Variants in SLC40A1 observed in about 807,000 individuals in gnomAD.
The protein encoded by SLC40A1 is solute carrier family 40 member 1, also known as ferroportin.
A neutral mutation model predicts 53.5 loss-of-function variants in SLC40A1; 16 were observed. That is an observed-to-expected ratio of 0.30 (90% CI 0.20 to 0.45). The LOEUF (loss-of-function observed/expected upper bound fraction) is 0.45. Ranked by LOEUF, SLC40A1 falls within the 20% of genes least tolerant of loss-of-function variation. The probability of loss-of-function intolerance (pLI) is 1.00; values close to 1 mark genes in which losing one functional copy is unlikely to be tolerated. For synonymous variants in SLC40A1, 247 were observed against 253.2 expected (o/e 0.98, Z 0.23); for missense variants, 545 against 695.4 (o/e 0.78, Z 2.43).
At chr2:189,574,014 A>G (rs1357919039) in intron 3 of SLC40A1, among the ~76,000 whole-genome samples, 1 of 152,198 alleles carries the variant, frequency 6.6e-6, no homozygotes, top group East Asian at 1.9e-4. Flanking sequence ...TCTGTGTAAG[A>G]GCAGAGGTGG....
At position 189,580,490 on chromosome 2, in the gene SLC40A1, C is replaced by A. The variant is rs766251419; in HGVS notation, c.-30G>T. The A allele has an allele frequency of 6.2e-7, 1 of 1,612,584 alleles. No homozygotes were observed. Among genetic ancestry groups the A allele is most frequent in the Non-Finnish European group, 8.5e-7 (1 of 1,179,990 alleles). ...CTAGGCGACCCCGCTGGCTCTTCTG[C>A]GGCTGCTATCGCTGCTGCTGCTCTC... On this transcript the variant is annotated 5_prime_UTR_variant, in exon 1 of 8. Transcript: ENST00000261024.
rs773694230 is a variant in SLC40A1, at chr2:189,580,432, T to C, written c.29A>G (p.Gln10Arg). The change falls in exon 1 of 8, where the codon CAG (glutamine) becomes CGG (arginine). Residue 10 changes from glutamine (Q) to arginine (R), a missense_variant. Gln to Arg is a conservative substitution (Grantham distance 43). Transcript: ENST00000261024. ...ACGACACTCACCACAGCATCCTCTC[T>C]GGCGGTTGTGATCTCCCGCCCTGGT... MTRAGDHNR[Q>R]RGCCGSLADY... 4.3e-6 allele frequency: 7 copies of C among 1,613,938 alleles called. No homozygotes were observed. The highest frequency in any genetic ancestry group is 5.1e-6 in the Non-Finnish European group (6 of 1,180,016).
Position 189,563,757 on chromosome 2 carries a change from G to T in SLC40A1, c.1229C>A (p.Ser410Ter), listed in dbSNP as rs1419641753. Residue 410 changes from serine (S) to a stop codon, truncating the protein, a stop_gained, in exon 7 of 8, where the codon TCA (serine) becomes TAA (stop). Transcript: ENST00000261024. LOFTEE classifies it high-confidence loss of function. ...LSVSPFEDIR[S>*]RFIQGESITP... The stretch of plus-strand genomic sequence containing the variant: ...AATTGACTCTCCTTGAATGAACCTT[G>T]ATCGGATATCTTCAAAAGGAGAAAC... 1.2e-6 allele frequency: 2 copies of T among 1,614,014 alleles called. No homozygotes were observed. Among genetic ancestry groups the T allele is most frequent in the Non-Finnish European group, 1.7e-6 (2 of 1,180,022 alleles).
intron 5 of SLC40A1, among the ~76,000 whole-genome samples, chr2:189,566,205 A>T (rs1176509142): frequency 6.6e-6 from 1 of 152,212 alleles, no homozygotes; most frequent in Non-Finnish European, 1.5e-5. Context: ...CACAGCAACG[A>T]GAAGCACTGA....
rs387907374 is a variant in SLC40A1 at position 189,575,170 on chromosome 2, T to C, written c.262A>G (p.Arg88Gly). ...ATATAACAACACTCACCTTTAAGTC[T>C]AGCATTCTTGTCCACCCAGTCACCG... ...IIGDWVDKNA[R>G]LKVAQTSLVV... Residue 88 changes from arginine to glycine, a missense_variant, in exon 3 of 8, where the codon AGA (arginine) becomes GGA (glycine). By Grantham distance (125) the Arg-to-Gly change is moderately radical. Around this residue, in one of 4 missense-constraint regions of SLC40A1, gnomAD observed 197 missense variants for 278.8 expected, o/e 0.71. Transcript: ENST00000261024. 6.2e-7 allele frequency: 1 copy of C among 1,614,054 alleles called. No homozygotes were observed. Among genetic ancestry groups the C allele is most frequent in the Non-Finnish European group, 8.5e-7 (1 of 1,179,932 alleles).
Position 189,561,675 on chromosome 2 carries a change from A to T in SLC40A1, c.*203T>A, listed in dbSNP as rs1400151802. 8.8e-6 allele frequency: 5 copies of T among 566,678 alleles called. No homozygotes were observed. Among genetic ancestry groups the T allele is most frequent in the African/African-American group, 3.8e-5 (2 of 53,034 alleles). The allele number at this position is 566,678 out of a possible 1,614,324, so 35.1% of individuals were successfully genotyped here. A position where few individuals can be genotyped will look rare whatever the true frequency, so the allele number is the denominator to read the frequency against. On this transcript the variant is annotated 3_prime_UTR_variant, in exon 8 of 8. Transcript: ENST00000261024. The stretch of plus-strand genomic sequence containing the variant: ...ATTTAAACTGAGTTTTTCTTTTCCA[A>T]TTTTTTTTCCATGCCTCAACATAAG...
At chr2:189,580,155 GGTTGGTTT>G (rs2031409540) in intron 1 of SLC40A1, among the ~76,000 whole-genome samples, 1 of 101,868 alleles carries the variant, frequency 9.8e-6, no homozygotes, top group Non-Finnish European at 2.4e-5. Context: ...TTTTTGGGTT[GGTTGGTTT>G]GTTTGTTTTG....
At chr2:189,568,202 A>T (rs1382320691) in intron 5 of SLC40A1, among the ~76,000 whole-genome samples, 2 of 151,318 alleles carry the variant, frequency 1.3e-5, no homozygotes, top group Non-Finnish European at 2.9e-5. Flanking sequence ...AAAAAAAAAG[A>T]CTTAGGCCGG....
chr2:189,568,429 C>G (rs569165369), intron 5 of SLC40A1, among the ~76,000 whole-genome samples: 3 of 151,988 alleles, frequency 2.0e-5, no homozygotes, highest in African/African-American at 7.2e-5. Flanking sequence ...GCGGAGCTTG[C>G]AGTGAGTTGA....
chr2:189,579,772 A>AATTGCGC, intron 2 of SLC40A1, 41 bp downstream of exon 2: 1 of 1,561,448 alleles, frequency 6.4e-7, no homozygotes, highest in Non-Finnish European at 8.8e-7. Context: ...GGAAATAAAA[A>AATTGCGC]ATTGCGCAAC....
Position 189,562,057 on chromosome 2 carries a change from G to A in SLC40A1, c.1537C>T (p.Leu513=). Residue 513 remains leucine, a synonymous_variant, in exon 8 of 8, where the codon CTG becomes TTG. Coordinates refer to ENST00000261024, the MANE Select transcript of SLC40A1 (RefSeq NM_014585.6). The stretch of plus-strand genomic sequence containing the variant: ...CCAAAAGCTTCAGGATTTGGAGCCA[G>A]GATGACCATGATGAAATGCAGAAGA... ...LDLLHFIMVI[L]APNPEAFGLL... is the part of the protein sequence containing the mutation. 2 of 1,614,124 alleles carry A rather than the reference G, an allele frequency of 1.2e-6. No individual in the cohort carries two copies. The highest frequency in any genetic ancestry group is 2.7e-5 in the African/African-American group (2 of 75,052).
intron 2 of SLC40A1, chr2:189,578,208 A>C: frequency 1.0e-6 from 1 of 991,394 alleles, no homozygotes; most frequent in Non-Finnish European, 1.2e-6. Flanking sequence ...AAACATAAAA[A>C]GCATAATTAC....
intron 6 of SLC40A1, among the ~76,000 whole-genome samples, chr2:189,564,558 T>C (rs2030868304): frequency 6.6e-6 from 1 of 152,000 alleles, no homozygotes; most frequent in African/African-American, 2.4e-5. Flanking sequence ...CACAGCGTAT[T>C]GGCCAGGCAC....
In SLC40A1 at chr2:189,561,914, A is replaced by T; in HGVS notation, c.1680T>A (p.Val560=). The stretch of plus-strand genomic sequence containing the variant: ...ATGTATTTGCTTGATTTTCCTTCCT[A>T]ACTTCTTTTGCATCAGGACCGCAAG... ...LFACGPDAKE[V]RKENQANTSV... Residue 560 remains valine, a synonymous_variant, in exon 8 of 8, where the codon GTT becomes GTA. Transcript: ENST00000261024. 6.2e-7 allele frequency: 1 copy of T among 1,614,100 alleles called. No homozygotes were observed. Among genetic ancestry groups the T allele is most frequent in the South Asian group, 1.1e-5 (1 of 91,068 alleles).
chr2:189,563,501 C>G (rs1046318567), intron 7 of SLC40A1, 83 bp downstream of exon 7: 10 of 1,305,648 alleles, frequency 7.7e-6, no homozygotes, highest in Non-Finnish European at 1.1e-5. Flanking sequence ...GGGAACATTT[C>G]AGATCATTTA....
At position 189,562,164 on chromosome 2, in the gene SLC40A1, G is replaced by GT; in HGVS notation, c.1429dup (p.Thr477AsnfsTer10). 1 of 1,613,092 alleles carries GT rather than the reference G, an allele frequency of 6.2e-7. No individual in the cohort carries two copies. Among genetic ancestry groups the GT allele is most frequent in the East Asian group, 2.2e-5 (1 of 44,830 alleles). ...AATTACATTTTCTTGCAGCAACTGTGTCACAGTTAAATCAAAGGACCAAAG... is the reference window on the plus strand; with the variant it reads ...AATTACATTTTCTTGCAGCAACTGTGTTCACAGTTAAATCAAAGGACCAAAG... On this transcript the variant is annotated frameshift_variant, in exon 8 of 8. Transcript: ENST00000261024. LOFTEE classifies it high-confidence loss of function.
At chr2:189,567,649 C>T (rs549149983) in intron 5 of SLC40A1, among the ~76,000 whole-genome samples, 11 of 152,244 alleles carry the variant, frequency 7.2e-5, no homozygotes, top group East Asian at 1.9e-4. Context: ...CAATACGTGA[C>T]GAAGAAGTAC....
intron 2 of SLC40A1, chr2:189,578,311 G>A: frequency 1.0e-6 from 1 of 1,002,398 alleles, no homozygotes; most frequent in Non-Finnish European, 1.2e-6. Context: ...GCTGCTGTTT[G>A]TTTAATCCAA....
intron 2 of SLC40A1, among the ~76,000 whole-genome samples, chr2:189,576,906 T>G (rs2031303338): frequency 6.6e-6 from 1 of 152,210 alleles, no homozygotes; most frequent in Non-Finnish European, 1.5e-5. Flanking sequence ...GCTATTAAAG[T>G]TTTGAATCTT....
Sources: allele counts gnomAD v4.1 joint callset (sites outside exome capture counted in the v4.1 genomes callset), GRCh38; gene constraint gnomAD v4.1.1; regional missense constraint gnomAD v4.1.1; transcripts MANE v1.5; gene names NCBI Gene and HGNC (gene_info 2026-07-23, HGNC 2026-07-21).